Variants in SUN2 observed in about 807,000 individuals in gnomAD.
The protein encoded by SUN2 is Sad1 and UNC84 domain containing 2, also known as SUN domain-containing protein 2.
A neutral mutation model predicts 100.0 loss-of-function variants in SUN2; 60 were observed. The observed-to-expected ratio is 0.60, with a 90% CI of 0.49 to 0.74. SUN2 has a LOEUF of 0.74. Among genes scored for constraint, SUN2 ranks in the 30% least tolerant of loss-of-function variants. SUN2 has a pLI of 0.00. For missense variants in SUN2, 834 were observed against 954.6 expected, an observed-to-expected ratio of 0.87 and a Z score of 1.66; for synonymous variants, 367 against 403.3, an observed-to-expected ratio of 0.91 and a Z score of 1.08.
chr22:38,747,728 AG>A (rs1206055504), intron 7 of SUN2, among the ~76,000 whole-genome samples: 1 of 152,140 alleles, frequency 6.6e-6, no homozygotes, highest in Admixed American at 6.5e-5. Flanking sequence ...GGATCACTTG[AG>A]GTCAGGAGTT....
At chr22:38,747,035 C>A (rs552601689) in intron 7 of SUN2, among the ~76,000 whole-genome samples, 66 of 143,912 alleles carry the variant, frequency 4.6e-4, no homozygotes, top group South Asian at 3.5e-3. Context: ...CACACACACA[C>A]AAAAAAGAAT....
intron 5 of SUN2, 22 bp downstream of exon 5, chr22:38,750,203 C>T: frequency 6.2e-7 from 1 of 1,603,994 alleles, no homozygotes; most frequent in Non-Finnish European, 8.5e-7. Context: ...ATGGAAGTAA[C>T]TGGGCACGGG....
intron 10 of SUN2, 114 bp from the exon 11 acceptor site, chr22:38,741,164 T>C: frequency 8.5e-7 from 1 of 1,183,024 alleles, no homozygotes; most frequent in African/African-American, 1.5e-5. Context: ...GCCCAAGGTC[T>C]CTTGACCCCT....
intron 10 of SUN2, 84 bp from the exon 11 acceptor site, chr22:38,741,134 CTT>C: frequency 2.0e-6 from 3 of 1,464,292 alleles, no homozygotes; most frequent in East Asian, 2.5e-5. Context: ...CTGTTAGCGT[CTT>C]TGCTTAACCA....
At position 38,740,904 on chromosome 22, in the gene SUN2, A is replaced by G; in HGVS notation, c.1190+103T>C. The G allele has an allele frequency of 7.8e-7, 1 of 1,274,578 alleles. No individual in the cohort carries two copies. Among genetic ancestry groups the G allele is most frequent in the Non-Finnish European group, 1.1e-6 (1 of 904,784 alleles). 79.0% of individuals were successfully genotyped at this position (1,274,578 alleles called of 1,614,324 possible). ...CTCCCCCTACCATCTGCTTGGCAAG[A>G]TGATCAGAACTCTCTGCTCTGCGGC... On this transcript the variant is annotated intron_variant, in intron 11 of 17. Transcript: ENST00000689035. This position sits in a 1 kb window ranked among gnomAD's most constrained non-coding sequence, Gnocchi z 4.8.
In SUN2 at chr22:38,740,589, T is replaced by C; in HGVS notation, c.1191-157A>G. ...GAAGGGGCAAGGCCTCTCCTGGGGG[T>C]TCTGGCTGCAGAACCCCTGCCTGTC... On this transcript the variant is annotated intron_variant, in intron 11 of 17. Transcript: ENST00000689035. This position sits in a 1 kb window ranked among gnomAD's most constrained non-coding sequence, Gnocchi z 4.8. 1.3e-6 allele frequency: 1 copy of C among 766,762 alleles called. No homozygotes were observed. Among genetic ancestry groups the C allele is most frequent in the Non-Finnish European group, 2.0e-6 (1 of 505,960 alleles). The allele number at this position is 766,762 out of a possible 1,614,324, so 47.5% of individuals were successfully genotyped here.
Position 38,751,021 on chromosome 22 carries a change from C to T in SUN2, c.301G>A (p.Val101Met), listed in dbSNP as rs754813165. The T allele has an allele frequency of 1.2e-6, 2 of 1,613,284 alleles. No homozygotes were observed. The highest frequency in any genetic ancestry group is 2.2e-5 in the South Asian group (2 of 90,998). ...GDANWGEDLR[V>M]RRRRGTGGSE... ...CCACCCGTGCCTCTCCTCCTCCGCA[C>T]CCGCAGGTCCTCACCTGTGCAGGGA... The change falls in exon 4 of 18, where the codon GTG becomes ATG. Residue 101 changes from valine (V) to methionine (M), a missense_variant. Around this residue, in one of 3 missense-constraint regions of SUN2, gnomAD observed 559 missense variants for 597.7 expected, o/e 0.94. Transcript: ENST00000689035.
intron 1 of SUN2, among the ~76,000 whole-genome samples, chr22:38,753,867 C>G (rs1027675411): frequency 6.6e-6 from 1 of 152,186 alleles, no homozygotes; most frequent in Non-Finnish European, 1.5e-5. Flanking sequence ...TCTTTCTACT[C>G]AGGCATAAAG....
At chr22:38,754,206 G>A (rs1171846776) in intron 1 of SUN2, among the ~76,000 whole-genome samples, 3 of 152,186 alleles carry the variant, frequency 2.0e-5, no homozygotes, top group Non-Finnish European at 1.5e-5. Flanking sequence ...CAAAGTCCCC[G>A]ACTGCCAACA....
rs779516717 is a variant in SUN2, at chr22:38,745,727, G to A, written c.770C>T (p.Pro257Leu). 12 of 1,613,874 alleles carry A rather than the reference G, an allele frequency of 7.4e-6. No homozygotes were observed. Among genetic ancestry groups the A allele is most frequent in the African/African-American group, 4.0e-5 (3 of 74,918 alleles). ...SWWAAKDSRR[P>L]DEGWEARDSS... ...GTCTCTGGCTTCCCAGCCCTCATCC[G>A]GCCTCCTGCTGTCCTTCGCTGCCCA... Residue 257 changes from proline to leucine, a missense_variant, in exon 8 of 18, where the codon CCG becomes CTG. By Grantham distance (98) the Pro-to-Leu change is moderately conservative (BLOSUM62 -3). This residue lies in a region of SUN2 where 559 missense variants were observed against 597.7 expected (regional missense o/e 0.94). Transcript: ENST00000689035.
rs1376928134 is a variant in SUN2, at chr22:38,752,358, C to A, written c.122+149G>T. The A allele has an allele frequency of 3.9e-5, 36 of 918,404 alleles. 1 individual carries two copies. Among genetic ancestry groups the A allele is most frequent in the South Asian group, 4.7e-5 (3 of 63,544 alleles). The allele number at this position is 918,404 out of a possible 1,614,324, so 56.9% of individuals were successfully genotyped here. On this transcript the variant is annotated intron_variant, in intron 2 of 17. Coordinates refer to ENST00000689035, the MANE Select transcript of SUN2 (RefSeq NM_015374.3). ...TCATACACATGGAGCAAGGAAGGAC[C>A]CCCTCGACCGGACGGGGGCCCACGT...
rs1227871463 is a variant in SUN2 at position 38,738,123 on chromosome 22, C to T, written c.2040+50G>A. On this transcript the variant is annotated intron_variant, in intron 17 of 17. Transcript: ENST00000689035. This position sits in a 1 kb window ranked among gnomAD's most constrained non-coding sequence, Gnocchi z 6.6. ...GTAAGTGCCCAGGGAGCACCTGCTG[C>T]CTGGATGGGGAGTCTGCGCCACTTC... 6.4e-7 allele frequency: 1 copy of T among 1,560,582 alleles called. No individual in the cohort carries two copies. The highest frequency in any genetic ancestry group is 8.8e-7 in the Non-Finnish European group (1 of 1,131,598).
At chr22:38,742,160 A>AT in intron 9 of SUN2, 141 bp downstream of exon 9, 3 of 1,096,704 alleles carry the variant, frequency 2.7e-6, no homozygotes, top group African/African-American at 1.6e-5. Context: ...AAAAAAAAAA[A>AT]GAAAAAAAGA....
intron 9 of SUN2, 24 bp from the exon 10 acceptor site, chr22:38,741,595 AG>A: frequency 6.2e-7 from 1 of 1,609,920 alleles, no homozygotes; most frequent in Non-Finnish European, 8.5e-7. Flanking sequence ...GTGAGAGGAC[AG>A]GTTGGACAGA....
intron 1 of SUN2, chr22:38,754,700 G>A (rs1211937745): frequency 1.6e-6 from 2 of 1,288,722 alleles, no homozygotes; most frequent in South Asian, 2.5e-5. Context: ...GCTGAAGGAG[G>A]TGACACCTTT....
In SUN2 at chr22:38,738,509, C is replaced by CAAGTCTA; in HGVS notation, c.1947+77_1947+78insTAGACTT. 1 of 1,552,718 alleles carries CAAGTCTA rather than the reference C, an allele frequency of 6.4e-7. No individual in the cohort carries two copies. Among genetic ancestry groups the CAAGTCTA allele is most frequent in the South Asian group, 1.2e-5 (1 of 83,914 alleles). On this transcript the variant is annotated intron_variant, in intron 16 of 17. Coordinates refer to ENST00000689035, the MANE Select transcript of SUN2 (RefSeq NM_015374.3). This position sits in a 1 kb window ranked among gnomAD's most constrained non-coding sequence, Gnocchi z 6.6. ...CCCTCCCTTCCAGTCCAAGGGTGAC[C>CAAGTCTA]CTGACTTGATCCTCAGTAGAGAGGC...
chr22:38,742,223 TTC>T, intron 9 of SUN2, 76 bp downstream of exon 9: 1 of 1,495,606 alleles, frequency 6.7e-7, no homozygotes, highest in Admixed American at 2.2e-5. Flanking sequence ...ATGACACTTG[TTC>T]TCTCTGCTGC....
rs1345325996 is a variant in SUN2 at position 38,739,397 on chromosome 22, C to T, written c.1608G>A (p.Leu536=). The T allele has an allele frequency of 1.9e-6, 3 of 1,613,056 alleles. No homozygotes were observed. Among genetic ancestry groups the T allele is most frequent in the African/African-American group, 2.7e-5 (2 of 74,950 alleles). The change falls in exon 14 of 18, where the codon CTG becomes CTA. Residue 536 remains leucine, a synonymous_variant. Coordinates refer to ENST00000689035, the MANE Select transcript of SUN2 (RefSeq NM_015374.3). This position sits in a 1 kb window ranked among gnomAD's most constrained non-coding sequence, Gnocchi z 6.7. Reference sequence around the variant, plus strand: ...CGATGCGGTCCTCACTGTAGCGCTGCAGGGCCTGCTTCACGATGTGGTGCA... The same window carrying T: ...CGATGCGGTCCTCACTGTAGCGCTGTAGGGCCTGCTTCACGATGTGGTGCA... ...EQVHHIVKQA[L]QRYSEDRIGL...
At position 38,739,867 on chromosome 22, in the gene SUN2, C is replaced by A; in HGVS notation, c.1433G>T (p.Arg478Ile). ...GGGGRVGLLQ[R>I]EEMQAQLREL... ...TCGCAGCTGAGCTTGCATCTCCTCT[C>A]TCTGAAGGAGCCCCACGCGGCCCCC... Residue 478 changes from arginine to isoleucine, a missense_variant, in exon 13 of 18, where the codon AGA becomes ATA. Arg to Ile is a moderately conservative substitution (Grantham distance 97). This residue lies in a region of SUN2 where 195 missense variants were observed against 280.2 expected (regional missense o/e 0.70). Coordinates refer to ENST00000689035, the MANE Select transcript of SUN2 (RefSeq NM_015374.3). The surrounding 1 kb of genome is among the most constrained non-coding windows in gnomAD (Gnocchi z 6.7). 6.2e-7 allele frequency: 1 copy of A among 1,613,550 alleles called. No homozygotes were observed.
Sources: gnomAD v4.1 joint callset for allele counts (sites outside exome capture counted in the v4.1 genomes callset) on GRCh38, gnomAD v4.1.1 for gene constraint, gnomAD v4.1.1 regional missense constraint, Gnocchi (gnomAD v3.1) non-coding constraint, MANE v1.5 for transcripts, NCBI Gene and HGNC (gene_info 2026-07-23, HGNC 2026-07-21) for gene names.